Variants in NDRG4 observed in about 807,000 individuals in gnomAD.
NDRG4 encodes protein NDRG4.
A neutral mutation model predicts 55.8 loss-of-function variants in NDRG4; 38 were observed. The ratio of observed to expected loss-of-function variants is 0.68; its 90% CI spans 0.53 to 0.89. The LOEUF (loss-of-function observed/expected upper bound fraction) is 0.89, where lower values mean the gene tolerates loss of function less well. Among genes scored for constraint, NDRG4 ranks in the 40% least tolerant of loss-of-function variants. NDRG4 has a pLI of 0.00. For missense variants in NDRG4, 455 were observed against 468.6 expected, an observed-to-expected ratio of 0.97 and a Z score of 0.27; for synonymous variants, 190 against 182.7, an observed-to-expected ratio of 1.04 and a Z score of -0.32.
At chr16:58,473,039 TATG>T (rs1334467261) in intron 1 of NDRG4, among the ~76,000 whole-genome samples, 5 of 152,210 alleles carry the variant, frequency 3.3e-5, no homozygotes, top group Non-Finnish European at 7.3e-5. Flanking sequence ...CTAGTCTCTC[TATG>T]ATGATATCTT....
At position 58,512,156 on chromosome 16, in the gene NDRG4, G is replaced by C; in HGVS notation, c.*580G>C. The C allele has an allele frequency of 2.2e-6, 1 of 454,520 alleles. No individual in the cohort carries two copies. The highest frequency in any genetic ancestry group is 4.4e-6 in the Non-Finnish European group (1 of 225,906). 28.2% of individuals were successfully genotyped at this position (454,520 alleles called of 1,614,324 possible). A position where few individuals can be genotyped will look rare whatever the true frequency, so the allele number is the denominator to read the frequency against. ...GGTGCTGTAGGGCCACGCAGGCAGG[G>C]GCGTCAAGGGGTTTCTCTGCCCAAG... On this transcript the variant is annotated 3_prime_UTR_variant, in exon 15 of 15. Transcript: ENST00000570248.
chr16:58,514,700 C>T (rs1036496465), downstream of NDRG4, among the ~76,000 whole-genome samples: 11 of 147,590 alleles, frequency 7.5e-5, no homozygotes, highest in African/African-American at 2.3e-4. Flanking sequence ...CGAGATCGCA[C>T]CACTGCACTC....
At chr16:58,485,300 G>C (rs2034962250) in intron 1 of NDRG4, among the ~76,000 whole-genome samples, 1 of 152,146 alleles carries the variant, frequency 6.6e-6, no homozygotes, top group Non-Finnish European at 1.5e-5. Context: ...TTTTTCATGG[G>C]CTGAGACATT....
chr16:58,468,276 G>C lies in NDRG4; in HGVS notation c.-24+4479G>C, dbSNP rs75148455. Among the ~76,000 whole-genome samples the C allele has an allele frequency of 7.1e-3, 1,083 of 152,328 alleles. 9 individuals carry two copies. The highest frequency in any genetic ancestry group is 0.01 in the Admixed American group (160 of 15,302). The stretch of plus-strand genomic sequence containing the variant: ...GAGGCCATTTCCAGGCGCCTCAGCG[G>C]GGTCTTGCTGCAACAGGGACAAGGA... On this transcript the variant is annotated intron_variant, in intron 1 of 15. Coordinates refer to the NDRG4 transcript ENST00000258187.
At chr16:58,483,122 C>T (rs746535042) in intron 1 of NDRG4, among the ~76,000 whole-genome samples, 30 of 152,272 alleles carry the variant, frequency 2.0e-4, no homozygotes, top group Middle Eastern at 3.4e-3. Flanking sequence ...CCATCTCCTA[C>T]CACTGCTGAA....
At chr16:58,508,422 C>A (rs2038336442) in intron 10 of NDRG4, among the ~76,000 whole-genome samples, 1 of 152,246 alleles carries the variant, frequency 6.6e-6, no homozygotes, top group African/African-American at 2.4e-5. Context: ...CCGTGTGTCA[C>A]CTCTCCTGCT....
At chr16:58,506,130 G>C (rs1286271405) in intron 5 of NDRG4, 1 of 635,402 alleles carries the variant, frequency 1.6e-6, no homozygotes, top group Non-Finnish European at 2.8e-6. Context: ...TCTGTTGAAA[G>C]AGCGTGTGTG....
chr16:58,506,780 G>C (rs2038090225), intron 7 of NDRG4, 132 bp from the exon 8 acceptor site: 10 of 1,154,604 alleles, frequency 8.7e-6, no homozygotes, highest in Non-Finnish European at 1.3e-5. Flanking sequence ...CCTCCTACCT[G>C]CCCCCACCCT....
intron 1 of NDRG4, among the ~76,000 whole-genome samples, chr16:58,477,721 G>A (rs1246742381): frequency 6.8e-6 from 1 of 147,480 alleles, no homozygotes; most frequent in Non-Finnish European, 1.5e-5. Flanking sequence ...AACCACCAAA[G>A]TAATAATTGC....
At chr16:58,510,619 CT>C in intron 13 of NDRG4, 25 bp from the exon 14 acceptor site, 2 of 1,535,430 alleles carry the variant, frequency 1.3e-6, no homozygotes, top group East Asian at 2.4e-5. Flanking sequence ...TCCCCGCCCC[CT>C]CTCCGGCTCT....
intron 1 of NDRG4, among the ~76,000 whole-genome samples, chr16:58,482,697 C>CTCCCTCCCTTCCTTCT: frequency 1.4e-5 from 2 of 138,196 alleles, no homozygotes; most frequent in Non-Finnish European, 3.2e-5. Flanking sequence ...CCCTTCCTTC[C>CTCCCTCCCTTCCTTCT]TCCCTCCCTC....
chr16:58,464,639 A>G lies in NDRG4; in HGVS notation c.-24+842A>G. 2.1e-6 allele frequency: 2 copies of G among 943,282 alleles called. No individual in the cohort carries two copies. Among genetic ancestry groups the G allele is most frequent in the Non-Finnish European group, 1.4e-6 (1 of 710,594 alleles). 58.4% of individuals were successfully genotyped at this position (943,282 alleles called of 1,614,324 possible). On this transcript the variant is annotated intron_variant, in intron 1 of 15. Transcript: ENST00000258187. The surrounding 1 kb of genome is among the most constrained non-coding windows in gnomAD (Gnocchi z 4.8). ...GTGCGGAGCCCAGCCCCGGGAGAGG[A>G]CTTGAGGTTGTGGCGAGTCCCTGGC...
At chr16:58,505,040 G>C (rs565907499) in intron 5 of NDRG4, among the ~76,000 whole-genome samples, 3 of 152,176 alleles carry the variant, frequency 2.0e-5, no homozygotes, top group Non-Finnish European at 2.9e-5. Flanking sequence ...TTATGGTTGG[G>C]AGGTTTAAAG....
intron 2 of NDRG4, among the ~76,000 whole-genome samples, chr16:58,491,943 G>T (rs2911327): frequency 0.85 from 129,026 of 151,994 alleles, 56,042 homozygotes; most frequent in South Asian, 0.94. Context: ...CACCATGCCT[G>T]TCTCATTTTT....
upstream of NDRG4, among the ~76,000 whole-genome samples, chr16:58,498,082 G>A (rs543060770): frequency 3.3e-5 from 5 of 152,212 alleles, no homozygotes; most frequent in East Asian, 1.9e-4. Flanking sequence ...GGGCAGTGTC[G>A]CAGGTCAGCT....
At chr16:58,465,110 A>C in intron 1 of NDRG4, 1 of 1,286,922 alleles carries the variant, frequency 7.8e-7, no homozygotes, top group Non-Finnish European at 1.0e-6. Context: ...GGATTCGAGG[A>C]GTGACTTCTG....
intron 8 of NDRG4, 106 bp from the exon 9 acceptor site, chr16:58,507,702 G>A: frequency 1.9e-6 from 2 of 1,074,210 alleles, no homozygotes; most frequent in Non-Finnish European, 2.8e-6. Flanking sequence ...ATGCAGAGCA[G>A]GTCCACGCCT....
chr16:58,464,859 A>T lies in NDRG4; in HGVS notation c.-24+1062A>T. On this transcript the variant is annotated intron_variant, in intron 1 of 15. Transcript: ENST00000258187. The surrounding 1 kb of genome is among the most constrained non-coding windows in gnomAD (Gnocchi z 4.8). ...GGACCTCTTATTTCTGCGCCCTGTG[A>T]CAATCTGAGCCGTCTTTCTCTGGGG... 1 of 1,212,864 alleles carries T rather than the reference A, an allele frequency of 8.2e-7. No homozygotes were observed. The highest frequency in any genetic ancestry group is 1.0e-6 in the Non-Finnish European group (1 of 963,388). 75.1% of individuals were successfully genotyped at this position (1,212,864 alleles called of 1,614,324 possible).
chr16:58,503,849 TCCC>T lies in NDRG4; in HGVS notation c.76_78del (p.Pro26del). On this transcript the variant is annotated inframe_deletion, in exon 2 of 15. Transcript: ENST00000570248. ...CCTTCTGCATGTAGTGATCCGGGGC[TCCC>T]CCAAGGGGAACCGCCCAGCCATCCT... is the stretch of plus-strand genomic sequence containing the variant. 6.2e-7 allele frequency: 1 copy of T among 1,613,546 alleles called. No homozygotes were observed.
Sources: gnomAD v4.1 joint callset for allele counts (sites outside exome capture counted in the v4.1 genomes callset) on GRCh38, gnomAD v4.1.1 for gene constraint, Gnocchi (gnomAD v3.1) non-coding constraint, MANE v1.5 for transcripts, NCBI Gene and HGNC (gene_info 2026-07-23, HGNC 2026-07-21) for gene names.